The following BNC2 variants were observed in gnomAD, a reference collection of about 807,000 sequenced individuals.
The protein encoded by BNC2 is zinc finger protein basonuclin-2.
In BNC2, 20 loss-of-function variants were observed where a neutral mutation model predicts 76.3. That is an observed-to-expected ratio of 0.26 (90% confidence interval 0.18 to 0.38). The LOEUF is 0.38. Among genes scored for constraint, BNC2 ranks in the 10% least tolerant of loss-of-function variants. The pLI is 1.00. For synonymous variants in BNC2, 582 were observed against 514.8 expected (o/e 1.13, Z -1.77); for missense variants, 1,382 against 1,399.8 (o/e 0.99, Z 0.20).
intron 5 of BNC2, among the ~76,000 whole-genome samples, chr9:16,547,672 G>A (rs192626953): frequency 5.9e-5 from 9 of 152,286 alleles, no homozygotes; most frequent in Admixed American, 3.3e-4. Flanking sequence ...ATGCCTAGAA[G>A]AGAAGAAATT....
intron 1 of BNC2, among the ~76,000 whole-genome samples, chr9:16,811,136 T>C (rs1180186474): frequency 6.8e-6 from 1 of 146,598 alleles, no homozygotes; most frequent in Non-Finnish European, 1.5e-5. Context: ...GGCAGGAGAA[T>C]GGCATGAACC....
intron 1 of BNC2, among the ~76,000 whole-genome samples, chr9:16,768,703 C>T (rs1228306589): frequency 6.6e-6 from 1 of 152,074 alleles, no homozygotes; most frequent in Non-Finnish European, 1.5e-5. Flanking sequence ...TGGTCCCTAC[C>T]CTCAAAGAAC....
At chr9:16,868,894 G>A (rs999012078) in intron 1 of BNC2, among the ~76,000 whole-genome samples, 1 of 152,180 alleles carries the variant, frequency 6.6e-6, no homozygotes, top group Non-Finnish European at 1.5e-5. Context: ...ACTAAGTAAC[G>A]TGCCAGAAAT....
intron 1 of BNC2, among the ~76,000 whole-genome samples, chr9:16,804,029 A>G (rs1205516766): frequency 1.3e-5 from 2 of 152,252 alleles, no homozygotes; most frequent in Non-Finnish European, 2.9e-5. Context: ...TAAAGCCTGA[A>G]AAACAAGGAA....
At chr9:16,627,753 C>T (rs993070486) in intron 3 of BNC2, among the ~76,000 whole-genome samples, 4 of 152,138 alleles carry the variant, frequency 2.6e-5, no homozygotes, top group Non-Finnish European at 4.4e-5. Context: ...AGTTAAAGTT[C>T]TTCACCCGTC....
Position 16,500,364 on chromosome 9 carries a change from C to T in BNC2, c.669+52166G>A, listed in dbSNP as rs186292398. On this transcript the variant is annotated intron_variant, in intron 5 of 6. Transcript: ENST00000380672. The stretch of plus-strand genomic sequence containing the variant: ...TCCTGCATTCTTATTTAATGTTTAC[C>T]CTTTTAATTTTCTAAATGTATAGCA... Among the ~76,000 whole-genome samples the T allele has an allele frequency of 5.7e-3, 871 of 152,060 alleles. 10 individuals carry two copies. The highest frequency in any genetic ancestry group is 0.02 in the African/African-American group (832 of 41,464).
At chr9:16,830,077 A>G (rs970573408) in intron 1 of BNC2, among the ~76,000 whole-genome samples, 4 of 152,262 alleles carry the variant, frequency 2.6e-5, no homozygotes, top group Non-Finnish European at 4.4e-5. Context: ...AGGTCTGTAA[A>G]GAAATTTACA....
intron 5 of BNC2, among the ~76,000 whole-genome samples, chr9:16,494,911 G>A (rs568989846): frequency 1.3e-5 from 2 of 152,116 alleles, no homozygotes; most frequent in East Asian, 1.9e-4. Flanking sequence ...GCAAACTAAC[G>A]TGGCACATGT....
At chr9:16,465,567 T>C (rs924856641) in intron 5 of BNC2, among the ~76,000 whole-genome samples, 7 of 152,014 alleles carry the variant, frequency 4.6e-5, no homozygotes, top group African/African-American at 7.3e-5. Flanking sequence ...TGGGTCACAA[T>C]TGTATACTGG....
At chr9:16,426,312 C>T (rs1820802966) in intron 6 of BNC2, among the ~76,000 whole-genome samples, 1 of 148,736 alleles carries the variant, frequency 6.7e-6, no homozygotes, top group African/African-American at 2.5e-5. Flanking sequence ...CAGGCATGTG[C>T]CACCATGCCC....
intron 5 of BNC2, among the ~76,000 whole-genome samples, chr9:16,470,701 T>C (rs770366851): frequency 1.3e-5 from 2 of 152,152 alleles, no homozygotes; most frequent in Non-Finnish European, 2.9e-5. Flanking sequence ...CTACATGGCG[T>C]TCTGTGCGCA....
intron 3 of BNC2, among the ~76,000 whole-genome samples, chr9:16,692,088 G>A (rs1019406348): frequency 2.0e-5 from 3 of 152,168 alleles, no homozygotes; most frequent in African/African-American, 7.2e-5. Context: ...TGGGATTACA[G>A]GCGTGAGCCA....
At chr9:16,470,515 C>T (rs1468200324) in intron 5 of BNC2, among the ~76,000 whole-genome samples, 1 of 152,184 alleles carries the variant, frequency 6.6e-6, no homozygotes. Context: ...CCATCACAGG[C>T]CCAGAGGCCC....
intron 1 of BNC2, among the ~76,000 whole-genome samples, chr9:16,750,571 G>C (rs1825160190): frequency 6.6e-6 from 1 of 152,212 alleles, no homozygotes; most frequent in African/African-American, 2.4e-5. Context: ...TACCCAATGA[G>C]CAAATGCAAG....
intron 3 of BNC2, among the ~76,000 whole-genome samples, chr9:16,672,119 C>G (rs1465338801): frequency 6.6e-6 from 1 of 152,160 alleles, no homozygotes; most frequent in Non-Finnish European, 1.5e-5. Context: ...ACAGGTGAAA[C>G]AGGGAGATCT....
chr9:16,707,574 G>A (rs1181267555), intron 3 of BNC2, among the ~76,000 whole-genome samples: 4 of 152,154 alleles, frequency 2.6e-5, no homozygotes, highest in African/African-American at 9.7e-5. Flanking sequence ...CTGGAACTCT[G>A]GGATACATCA....
At chr9:16,539,619 AAGGGAGGGAGGGAG>A (rs1818240904) in intron 5 of BNC2, among the ~76,000 whole-genome samples, 1 of 54,180 alleles carries the variant, frequency 1.8e-5, no homozygotes, top group Non-Finnish European at 3.4e-5. Context: ...AGAGAGAGAG[AAGGGAGGGAGGGAG>A]CGAGGGAGGG....
chr9:16,743,135 C>T (rs1358922398), intron 1 of BNC2, among the ~76,000 whole-genome samples: 7 of 152,158 alleles, frequency 4.6e-5, no homozygotes, highest in African/African-American at 9.7e-5. Context: ...AAATAAAAAT[C>T]GGTGGAAACA....
chr9:16,862,790 C>T (rs929830366), intron 1 of BNC2, among the ~76,000 whole-genome samples: 2 of 152,048 alleles, frequency 1.3e-5, no homozygotes, highest in Non-Finnish European at 2.9e-5. Context: ...CAACACAAAC[C>T]ATAATAAATG....
Sources: allele counts gnomAD v4.1 joint callset (sites outside exome capture counted in the v4.1 genomes callset), GRCh38; gene constraint gnomAD v4.1.1; transcripts MANE v1.5; gene names NCBI Gene and HGNC (gene_info 2026-07-23, HGNC 2026-07-21).